Variants in CYB5R3 observed in about 807,000 individuals in gnomAD.
CYB5R3 encodes cytochrome b5 reductase 3.
CYB5R3 carries 28 observed loss-of-function variants against 36.5 expected under a neutral mutation model. That is an observed-to-expected ratio of 0.77 (90% CI 0.57 to 1.05). The LOEUF (loss-of-function observed/expected upper bound fraction) is 1.05, where lower values mean the gene tolerates loss of function less well. Ranked by LOEUF, CYB5R3 falls within the 50% of genes least tolerant of loss-of-function variation. The probability of loss-of-function intolerance (pLI) is 0.00; values close to 1 mark genes in which losing one functional copy is unlikely to be tolerated. For synonymous variants in CYB5R3, 181 were observed against 159.8 expected (o/e 1.13, Z -1.00); for missense variants, 474 against 408.9 (o/e 1.16, Z -1.37).
chr22:42,644,182 C>G (rs112174864), intron 1 of CYB5R3, among the ~76,000 whole-genome samples: 51 of 152,294 alleles, frequency 3.3e-4, no homozygotes, highest in African/African-American at 1.2e-3. Flanking sequence ...CCTGAGCCAC[C>G]TCCCAGGACA....
chr22:42,641,947 A>C (rs995668311), intron 1 of CYB5R3, among the ~76,000 whole-genome samples: 4 of 152,182 alleles, frequency 2.6e-5, no homozygotes, highest in African/African-American at 9.6e-5. Flanking sequence ...TCAACTATAC[A>C]GGTCAGCCCC....
chr22:42,634,094 G>A (rs1158018189), intron 2 of CYB5R3, among the ~76,000 whole-genome samples: 2 of 151,980 alleles, frequency 1.3e-5, no homozygotes, highest in Admixed American at 6.6e-5. Context: ...GCTCACGCCT[G>A]TAATTCGAGC....
chr22:42,634,114 G>A (rs1024840448), intron 2 of CYB5R3, among the ~76,000 whole-genome samples: 12 of 152,034 alleles, frequency 7.9e-5, no homozygotes, highest in South Asian at 4.2e-4. Flanking sequence ...CACTTTGAGA[G>A]GCCAAGTCGG....
At chr22:42,644,761 T>A (rs1432173196) in intron 1 of CYB5R3, 4 of 515,496 alleles carry the variant, frequency 7.8e-6, no homozygotes, top group Middle Eastern at 2.0e-3. Flanking sequence ...GCCCTGGCAA[T>A]GAACTTGAAT....
chr22:42,636,887 C>A, intron 1 of CYB5R3, 41 bp from the exon 2 acceptor site: 1 of 1,604,882 alleles, frequency 6.2e-7, no homozygotes, highest in South Asian at 1.1e-5. Flanking sequence ...AGGAGCCTGC[C>A]TTTCCCCAAA....
At chr22:42,634,462 T>C (rs1412081107) in intron 2 of CYB5R3, among the ~76,000 whole-genome samples, 1 of 152,092 alleles carries the variant, frequency 6.6e-6, no homozygotes, top group East Asian at 1.9e-4. Context: ...TTTTATTTTT[T>C]TGAAACAGAG....
At chr22:42,647,450 A>G (rs1242540507) in intron 1 of CYB5R3, among the ~76,000 whole-genome samples, 1 of 152,216 alleles carries the variant, frequency 6.6e-6, no homozygotes, top group Non-Finnish European at 1.5e-5. Context: ...GTCTCCATTA[A>G]AAATACAAAA....
Position 42,619,885 on chromosome 22 carries a change from G to A in CYB5R3, c.794C>T (p.Pro265Leu), listed in dbSNP as rs754621642. 1.2e-6 allele frequency: 2 copies of A among 1,608,156 alleles called. No individual in the cohort carries two copies. Among genetic ancestry groups the A allele is most frequent in the Non-Finnish European group, 8.5e-7 (1 of 1,177,682 alleles). Residue 265 changes from proline to leucine, a missense_variant, in exon 9 of 9, where the codon CCA becomes CTA. By Grantham distance (98) the Pro-to-Leu change is moderately conservative (BLOSUM62 -3). Transcript: ENST00000352397. ...EEMIRDHLPP[P>L]EEEPLVLMCG... ...CATCAGCACCAGCGGCTCCTCCTCT[G>A]GGGGTGGAAGGTGGTCCCGGATCAT...
intron 1 of CYB5R3, among the ~76,000 whole-genome samples, chr22:42,648,820 G>C (rs1929640859): frequency 6.6e-6 from 1 of 150,464 alleles, no homozygotes; most frequent in Non-Finnish European, 1.5e-5. Flanking sequence ...CAGTGACATC[G>C]CCCATTCACA....
rs1466836707 is a variant in CYB5R3 at position 42,640,152 on chromosome 22, G to A, written c.22-3306C>T. ...TAGCTCTAGGGATCTCAGCAGGGGT[G>A]GGAGGAACCAGCTCAACCGTGGTGT... On this transcript the variant is annotated intron_variant, in intron 1 of 8. Coordinates refer to ENST00000352397, the MANE Select transcript of CYB5R3 (RefSeq NM_000398.7). The A allele has an allele frequency of 2.5e-6, 4 of 1,613,306 alleles. No individual in the cohort carries two copies. In the Admixed American group the frequency reaches 5.0e-5, roughly 20 times the overall value.
At position 42,627,701 on chromosome 22, in the gene CYB5R3, A is replaced by G; in HGVS notation, c.464-13T>C. 1 of 1,596,662 alleles carries G rather than the reference A, an allele frequency of 6.3e-7. No homozygotes were observed. The highest frequency in any genetic ancestry group is 8.6e-7 in the Non-Finnish European group (1 of 1,164,180). On this transcript the variant is annotated splice_polypyrimidine_tract_variant and intron_variant, in intron 5 of 8. Transcript: ENST00000352397. ...ATGGCGAACTTCCCTGGGGAGAGAG[A>G]AGGGGTGAGGCCCGGCCATCAAACA...
rs760067838 is a variant in CYB5R3 at position 42,636,696 on chromosome 22, G to A, written c.153+19C>T. The stretch of plus-strand genomic sequence containing the variant: ...AATGCTGTGATGCTGACGAGGCAGC[G>A]GCGGCGGCCGGCACTCACCTCCCGG... On this transcript the variant is annotated intron_variant, in intron 2 of 8. Coordinates refer to ENST00000352397, the MANE Select transcript of CYB5R3 (RefSeq NM_000398.7). 6.7e-5 allele frequency: 107 copies of A among 1,608,008 alleles called. No homozygotes were observed. Among genetic ancestry groups the A allele is most frequent in the Non-Finnish European group, 8.2e-5 (97 of 1,179,382 alleles).
At chr22:42,639,339 G>GGA (rs1822321472) in intron 1 of CYB5R3, among the ~76,000 whole-genome samples, 2 of 133,766 alleles carry the variant, frequency 1.5e-5, no homozygotes, top group Non-Finnish European at 3.2e-5. Context: ...AAAAAAAAGT[G>GGA]GGGGGGGACC....
chr22:42,636,939 C>A, intron 1 of CYB5R3, 93 bp from the exon 2 acceptor site: 2 of 1,521,560 alleles, frequency 1.3e-6, no homozygotes, highest in Non-Finnish European at 1.8e-6. Context: ...GCTCACGCTG[C>A]CCCCTCTGCC....
chr22:42,649,234 T>C, intron 1 of CYB5R3, 61 bp downstream of exon 1: 16 of 363,918 alleles, frequency 4.4e-5, no homozygotes, highest in Non-Finnish European at 6.5e-5. Context: ...GCCCGCCCCC[T>C]CGCCGCCGGG....
chr22:42,631,512 C>T, intron 2 of CYB5R3, 62 bp from the exon 3 acceptor site: 1 of 1,434,708 alleles, frequency 7.0e-7, no homozygotes, highest in South Asian at 1.2e-5. Flanking sequence ...GGGCGGCTCC[C>T]AGGCCTCGGA....
At chr22:42,624,239 C>T (rs1430223666) in intron 7 of CYB5R3, among the ~76,000 whole-genome samples, 2 of 152,210 alleles carry the variant, frequency 1.3e-5, no homozygotes, top group East Asian at 3.8e-4. Flanking sequence ...GGGAAATGTG[C>T]CAAGATACTC....
At chr22:42,639,626 T>C (rs1396547195) in intron 1 of CYB5R3, among the ~76,000 whole-genome samples, 2 of 98,504 alleles carry the variant, frequency 2.0e-5, no homozygotes, top group African/African-American at 3.1e-5. Flanking sequence ...CAAGACTCCA[T>C]CTCAAAAAAA....
chr22:42,621,001 C>G (rs1216052244), intron 8 of CYB5R3, among the ~76,000 whole-genome samples: 3 of 152,196 alleles, frequency 2.0e-5, no homozygotes, highest in African/African-American at 7.2e-5. Flanking sequence ...CCAGATGAGT[C>G]TTTGTAAGCC....
Sources: gnomAD v4.1 joint callset for allele counts (sites outside exome capture counted in the v4.1 genomes callset) on GRCh38, gnomAD v4.1.1 for gene constraint, MANE v1.5 for transcripts, NCBI Gene and HGNC (gene_info 2026-07-23, HGNC 2026-07-21) for gene names.